PHC2: variants seen among roughly 807,000 people sequenced by gnomAD.
The protein encoded by PHC2 is polyhomeotic homolog 2, also known as polyhomeotic-like protein 2.
In PHC2, 29 loss-of-function variants were observed where a neutral mutation model predicts 87.4. That is an observed-to-expected ratio of 0.33 (90% confidence interval 0.25 to 0.45). The LOEUF (loss-of-function observed/expected upper bound fraction) is 0.45. PHC2 is among the 20% of genes least tolerant of loss of function. The pLI is 1.00. For missense variants in PHC2, 857 were observed against 1,136.7 expected (o/e 0.75, Z 3.54); for synonymous variants, 438 against 461.7 (o/e 0.95, Z 0.66).
intron 1 of PHC2, among the ~76,000 whole-genome samples, chr1:33,404,678 C>A (rs1375214503): frequency 6.6e-6 from 1 of 152,152 alleles, no homozygotes; most frequent in East Asian, 1.9e-4. Flanking sequence ...TTATCGAGCA[C>A]TCTGGGATAG....
chr1:33,335,107 G>A (rs888906234), intron 9 of PHC2: 1 of 730,278 alleles, frequency 1.4e-6, no homozygotes. Context: ...TTCCCCATGG[G>A]CCTGCTAGCC....
chr1:33,363,754 C>T, intron 7 of PHC2: 6 of 985,392 alleles, frequency 6.1e-6, no homozygotes, highest in Non-Finnish European at 7.2e-6. Context: ...TGAGTGTGCA[C>T]CCAAAGCCTG....
At chr1:33,370,954 G>C (rs184247900) in intron 4 of PHC2, 63 bp downstream of exon 4, 33 of 1,345,814 alleles carry the variant, frequency 2.5e-5, no homozygotes, top group Admixed American at 3.4e-5. Context: ...AACTGGGTCT[G>C]GGAACTTGGG....
intron 1 of PHC2, among the ~76,000 whole-genome samples, chr1:33,418,202 A>G (rs1008258022): frequency 2.0e-5 from 3 of 152,120 alleles, no homozygotes; most frequent in Non-Finnish European, 4.4e-5. Context: ...CAAAGCAAAC[A>G]AAAGGAAGGA....
At chr1:33,398,286 C>T (rs1649376457) in intron 1 of PHC2, among the ~76,000 whole-genome samples, 1 of 152,212 alleles carries the variant, frequency 6.6e-6, no homozygotes, top group Non-Finnish European at 1.5e-5. Flanking sequence ...TAAACCCCAC[C>T]TCTACCCCCA....
intron 1 of PHC2, among the ~76,000 whole-genome samples, chr1:33,377,265 T>C (rs181577582): frequency 1.9e-3 from 292 of 152,364 alleles, no homozygotes; most frequent in Admixed American, 3.1e-3. Flanking sequence ...GCATATCCTG[T>C]GTGCTCTGTA....
At chr1:33,383,325 A>C (rs902876221) in intron 1 of PHC2, among the ~76,000 whole-genome samples, 1 of 152,198 alleles carries the variant, frequency 6.6e-6, no homozygotes, top group African/African-American at 2.4e-5. Context: ...TGCCACCTTT[A>C]GTGTCTCTAG....
At chr1:33,398,995 G>A (rs1209193836) in intron 1 of PHC2, among the ~76,000 whole-genome samples, 1 of 152,160 alleles carries the variant, frequency 6.6e-6, no homozygotes, top group African/African-American at 2.4e-5. Flanking sequence ...CAGAGTTCAA[G>A]GAGTTTTACA....
chr1:33,350,556 A>AGC (rs1646952494), intron 9 of PHC2: 1 of 152,358 alleles, frequency 6.6e-6, no homozygotes, highest in African/African-American at 2.4e-5. Context: ...AGAGACGTGC[A>AGC]GCGTGACACA....
intron 8 of PHC2, 21 bp downstream of exon 8, chr1:33,354,817 C>T: frequency 6.2e-7 from 1 of 1,606,552 alleles, no homozygotes; most frequent in South Asian, 1.1e-5. Context: ...GCTCCCTGGA[C>T]CTTGGGGCTG....
intron 7 of PHC2, among the ~76,000 whole-genome samples, chr1:33,360,358 GCCCCTACCCTGC>G (rs1206844037): frequency 2.6e-5 from 4 of 152,262 alleles, no homozygotes; most frequent in Non-Finnish European, 5.9e-5. Context: ...CTGCATCTCT[GCCCCTACCCTGC>G]CCTTGGCAGA....
At chr1:33,379,295 C>G (rs1271877706) in intron 1 of PHC2, among the ~76,000 whole-genome samples, 1 of 106,096 alleles carries the variant, frequency 9.4e-6, no homozygotes, top group Non-Finnish European at 2.0e-5. Flanking sequence ...CGCCCACCGC[C>G]CCCCTGCCCC....
In PHC2 at chr1:33,331,479, T is replaced by A; in HGVS notation, c.1892-17A>T. On this transcript the variant is annotated splice_polypyrimidine_tract_variant and intron_variant, in intron 11 of 14. Transcript: ENST00000683057. This position sits in a 1 kb window ranked among gnomAD's most constrained non-coding sequence, Gnocchi z 5.2. Reference sequence around the variant, plus strand: ...CTTTGGATTCTGAAAAGTATAGAAATGGGTAGGGTGGAGAATGAGAAATTC... The same window carrying A: ...CTTTGGATTCTGAAAAGTATAGAAAAGGGTAGGGTGGAGAATGAGAAATTC... 7.0e-7 allele frequency: 1 copy of A among 1,421,002 alleles called. No individual in the cohort carries two copies. The highest frequency in any genetic ancestry group is 9.9e-7 in the Non-Finnish European group (1 of 1,006,536). The allele number at this position is 1,421,002 out of a possible 1,614,324, so 88.0% of individuals were successfully genotyped here. A position where few individuals can be genotyped will look rare whatever the true frequency, so the allele number is the denominator to read the frequency against.
At chr1:33,330,493 GA>G (rs1646467167) in intron 12 of PHC2, among the ~76,000 whole-genome samples, 1 of 152,196 alleles carries the variant, frequency 6.6e-6, no homozygotes, top group Non-Finnish European at 1.5e-5. Flanking sequence ...CCTGGACTTG[GA>G]CCAGGGCGAA....
rs748354047 is a variant in PHC2 at position 33,355,147 on chromosome 1, C to T, written c.1083G>A (p.Pro361=). Residue 361 remains proline (P), a synonymous_variant, in exon 8 of 15, where the codon CCG becomes CCA. Coordinates refer to ENST00000683057, the MANE Select transcript of PHC2 (RefSeq NM_001385109.1). The part of the protein sequence containing the change: ...QQQPQPQQQQ[P]PPQQSRPVLQ... ...GCACAGGCCGTGACTGCTGGGGCGG[C>T]GGCTGCTGCTGTTGTGGCTGTGGCT... is the stretch of plus-strand genomic sequence containing the variant. The T allele has an allele frequency of 2.0e-5, 33 of 1,610,706 alleles. No homozygotes were observed. The highest frequency in any genetic ancestry group is 1.9e-4 in the Middle Eastern group (1 of 5,402).
rs955330049 is a variant in PHC2, at chr1:33,364,505, C to T, written c.976+2611G>A. ...GTTGGCTGGGCAGGAGGCCAGAAGTCACCTCTGCCCAGGGAACTGTATAGC... is the reference window on the plus strand; with the variant it reads ...GTTGGCTGGGCAGGAGGCCAGAAGTTACCTCTGCCCAGGGAACTGTATAGC... On this transcript the variant is annotated intron_variant, in intron 7 of 14. Coordinates refer to ENST00000683057, the MANE Select transcript of PHC2 (RefSeq NM_001385109.1). The surrounding 1 kb of genome is among the most constrained non-coding windows in gnomAD (Gnocchi z 4.1). Among the ~76,000 whole-genome samples the T allele has an allele frequency of 2.0e-5, 3 of 152,164 alleles. No individual in the cohort carries two copies. Among genetic ancestry groups the T allele is most frequent in the Non-Finnish European group, 4.4e-5 (3 of 68,028 alleles).
chr1:33,388,865 A>G lies in PHC2; in HGVS notation c.-54-13272T>C, dbSNP rs545180262. On this transcript the variant is annotated intron_variant, in intron 1 of 14. Transcript: ENST00000683057. ...ATAAAACTATGAAGTGGCATAAATC[A>G]GAATAGTCTGAATCTGGAGCTCATG... is the stretch of plus-strand genomic sequence containing the variant. Among the ~76,000 whole-genome samples the G allele has an allele frequency of 5.3e-5, 8 of 152,246 alleles. No individual in the cohort carries two copies. In the South Asian group the frequency reaches 1.7e-3, roughly 32 times the overall value.
intron 9 of PHC2, chr1:33,347,999 T>A (rs1276931945): frequency 6.6e-6 from 1 of 152,246 alleles, no homozygotes; most frequent in Non-Finnish European, 1.5e-5. Flanking sequence ...GAGCTATTTG[T>A]TAAAATCACT....
chr1:33,391,653 G>GA lies in PHC2; in HGVS notation c.-54-16061dup, dbSNP rs11315105. Among the ~76,000 whole-genome samples, 358 of 140,022 alleles carry GA rather than the reference G, an allele frequency of 2.6e-3. 1 individual carries two copies. Among genetic ancestry groups the GA allele is most frequent in the Middle Eastern group, 7.5e-3 (2 of 268 alleles). The allele number at this position is 140,022 out of a possible 152,430, so 91.9% of individuals were successfully genotyped here. A position where few individuals can be genotyped will look rare whatever the true frequency, so the allele number is the denominator to read the frequency against. On this transcript the variant is annotated intron_variant, in intron 1 of 14. Coordinates refer to ENST00000683057, the MANE Select transcript of PHC2 (RefSeq NM_001385109.1). ...TGCCTAATACTATTCCCTTTGATAG[G>GA]AAAAAAAAAAAAAGGCAGTGCTTCT...
Sources: allele counts gnomAD v4.1 joint callset (sites outside exome capture counted in the v4.1 genomes callset), GRCh38; gene constraint gnomAD v4.1.1; non-coding constraint Gnocchi (gnomAD v3.1); transcripts MANE v1.5; gene names NCBI Gene and HGNC (gene_info 2026-07-23, HGNC 2026-07-21).